KDM6A: variants seen among roughly 807,000 people sequenced by gnomAD.
KDM6A encodes the protein lysine-specific demethylase 6A.
A neutral mutation model predicts 117.6 loss-of-function variants in KDM6A; 11 were observed. That is an observed-to-expected ratio of 0.09 (90% CI 0.06 to 0.15). The LOEUF (loss-of-function observed/expected upper bound fraction) is 0.15, where lower values mean the gene tolerates loss of function less well. Ranked by LOEUF, KDM6A falls within the 10% of genes least tolerant of loss-of-function variation. KDM6A has a pLI of 1.00. For missense variants in KDM6A, 799 were observed against 1,077.3 expected (o/e 0.74, Z 3.62); for synonymous variants, 384 against 396.1 (o/e 0.97, Z 0.36).
chrX:45,082,384 G>C, intron 21 of KDM6A, 192 bp from the exon 22 acceptor site: 2 of 422,603 alleles, frequency 4.7e-6, no homozygotes, highest in Non-Finnish European at 8.2e-6. Context: ...CAGTGAGCCG[G>C]GGTCGCACCA....
At chrX:45,000,718 C>T (rs1359333522) in intron 4 of KDM6A, among the ~76,000 whole-genome samples, 1 of 112,634 alleles carries the variant, frequency 8.9e-6, no homozygotes, top group Non-Finnish European at 1.9e-5. Flanking sequence ...GGATGGCCCT[C>T]GGGGGCTGGG....
At chrX:44,942,109 A>G (rs1027565380) in intron 2 of KDM6A, among the ~76,000 whole-genome samples, 1 of 107,851 alleles carries the variant, frequency 9.3e-6, no homozygotes, top group African/African-American at 3.4e-5. Flanking sequence ...ATCTCGGCTC[A>G]CTGCAACCTC....
intron 8 of KDM6A, among the ~76,000 whole-genome samples, chrX:45,042,544 A>G (rs777908591): frequency 1.8e-5 from 2 of 111,596 alleles, no homozygotes; most frequent in East Asian, 5.6e-4. Context: ...ATTTTTACCA[A>G]TGGACCCTAT....
chrX:45,001,645 A>G (rs914718060), intron 4 of KDM6A, among the ~76,000 whole-genome samples: 1 of 112,020 alleles, frequency 8.9e-6, no homozygotes, highest in Non-Finnish European at 1.9e-5. Flanking sequence ...TGACTTGGTT[A>G]TGTTATAACT....
intron 2 of KDM6A, among the ~76,000 whole-genome samples, chrX:44,911,098 C>T (rs1479098931): frequency 3.9e-5 from 4 of 101,923 alleles, no homozygotes; most frequent in Admixed American, 1.0e-4. Context: ...CCCCACCTCC[C>T]GGACGGGGCG....
chrX:44,952,089 A>G (rs1374178121), intron 2 of KDM6A, among the ~76,000 whole-genome samples: 1 of 111,838 alleles, frequency 8.9e-6, no homozygotes, highest in African/African-American at 3.3e-5. Context: ...GCAATAGCAA[A>G]GTGTTTTAAA....
At chrX:44,922,105 C>T (rs2035993648) in intron 2 of KDM6A, among the ~76,000 whole-genome samples, 1 of 81,406 alleles carries the variant, frequency 1.2e-5, no homozygotes, top group Non-Finnish European at 2.2e-5. Context: ...TTCAGTGGCA[C>T]AGTCTTGGCT....
chrX:44,900,790 G>A (rs893698242), intron 2 of KDM6A, among the ~76,000 whole-genome samples: 1 of 111,363 alleles, frequency 9.0e-6, no homozygotes, highest in Non-Finnish European at 1.9e-5. Context: ...CCAGCTACTC[G>A]GGCGGCTGAG....
At chrX:45,061,553 A>G in intron 15 of KDM6A, 134 bp downstream of exon 15, 1 of 349,554 alleles carries the variant, frequency 2.9e-6, no homozygotes. Flanking sequence ...GTATAGTGGC[A>G]CGCTCTTGGC....
intron 2 of KDM6A, among the ~76,000 whole-genome samples, chrX:44,934,862 AAAG>A (rs2036877819): frequency 9.0e-6 from 1 of 111,685 alleles, no homozygotes; most frequent in Non-Finnish European, 1.9e-5. Flanking sequence ...AGTCAGGAAA[AAAG>A]AATCATTTTG....
intron 21 of KDM6A, among the ~76,000 whole-genome samples, chrX:45,079,952 CT>C (rs1412805722): frequency 1.8e-5 from 2 of 111,926 alleles, no homozygotes; most frequent in African/African-American, 6.5e-5. Flanking sequence ...TTCTGGGATA[CT>C]TTTTTTAGAG....
At position 44,951,706 on chromosome X, in the gene KDM6A, G is replaced by A. The variant is rs566312573; in HGVS notation, c.226-9578G>A. Reference sequence around the variant, plus strand: ...CTTGGTGTGGAGTTGGGGAGGAGGAGCTAGTGTGTAGGAGAAAAAGCTGAT... The same window carrying A: ...CTTGGTGTGGAGTTGGGGAGGAGGAACTAGTGTGTAGGAGAAAAAGCTGAT... On this transcript the variant is annotated intron_variant, in intron 2 of 29. Transcript: ENST00000611820. Among the ~76,000 whole-genome samples the A allele has an allele frequency of 1.3e-4, 14 of 110,679 alleles. No homozygotes were observed. The South Asian group carries it at 5.3e-3, about 42-fold the overall frequency.
At chrX:44,903,022 G>A (rs1426671470) in intron 2 of KDM6A, among the ~76,000 whole-genome samples, 8 of 111,646 alleles carry the variant, frequency 7.2e-5, no homozygotes, top group African/African-American at 2.3e-4. Context: ...TATCACATTG[G>A]CGATTAAGTT....
chrX:45,005,133 T>C (rs2041370396), intron 4 of KDM6A, among the ~76,000 whole-genome samples: 1 of 110,763 alleles, frequency 9.0e-6, no homozygotes, highest in African/African-American at 3.3e-5. Context: ...TACCTCACGC[T>C]GGAGTCCTTT....
intron 27 of KDM6A, 45 bp downstream of exon 27, chrX:45,090,909 G>A: frequency 8.5e-7 from 1 of 1,174,566 alleles, no homozygotes. Context: ...TTTTTGGGGA[G>A]TGTTAACTAT....
At chrX:45,033,169 G>C (rs1370250971) in intron 6 of KDM6A, among the ~76,000 whole-genome samples, 1 of 111,976 alleles carries the variant, frequency 8.9e-6, no homozygotes, top group Non-Finnish European at 1.9e-5. Context: ...GTCTGAATGT[G>C]TGACTACTCT....
intron 4 of KDM6A, among the ~76,000 whole-genome samples, chrX:45,000,553 C>T (rs748513864): frequency 1.6e-4 from 18 of 112,338 alleles, no homozygotes; most frequent in African/African-American, 2.6e-4. Context: ...ACCACAATAC[C>T]ACCACACATC....
chrX:45,070,050 A>G lies in KDM6A; in HGVS notation c.2551A>G (p.Lys851Glu), dbSNP rs2148049248. The change falls in exon 18 of 30, where the codon AAA becomes GAA. Residue 851 changes from lysine to glutamate, a missense_variant. Coordinates refer to ENST00000611820, the MANE Select transcript of KDM6A (RefSeq NM_001291415.2). ...NNNVGTGTCD[K>E]VNNIHPAVHT... Reference sequence around the variant, plus strand: ...CAATGTGGGTACTGGAACCTGTGACAAAGTCAATAACATCCACCCAGCTGT... The same window carrying G: ...CAATGTGGGTACTGGAACCTGTGACGAAGTCAATAACATCCACCCAGCTGT... 1 of 1,211,708 alleles carries G rather than the reference A, an allele frequency of 8.3e-7. No homozygotes were observed. The highest frequency in any genetic ancestry group is 1.1e-6 in the Non-Finnish European group (1 of 895,365).
At chrX:44,883,607 C>T (rs2032532961) in intron 2 of KDM6A, among the ~76,000 whole-genome samples, 1 of 110,266 alleles carries the variant, frequency 9.1e-6, no homozygotes, top group Non-Finnish European at 1.9e-5. Context: ...CTCTTGGCCT[C>T]AAGTGATCCT....
Sources: allele counts gnomAD v4.1 joint callset (sites outside exome capture counted in the v4.1 genomes callset), GRCh38; gene constraint gnomAD v4.1.1; transcripts MANE v1.5; gene names NCBI Gene and HGNC (gene_info 2026-07-23, HGNC 2026-07-21).